NCS1: variants seen among roughly 807,000 people sequenced by gnomAD.
The protein encoded by NCS1 is frequenin homolog.
NCS1 carries 6 observed loss-of-function variants against 28.4 expected under a neutral mutation model. The ratio of observed to expected loss-of-function variants is 0.21; its 90% CI spans 0.12 to 0.42. NCS1 has a LOEUF of 0.42. Ranked by LOEUF, NCS1 falls within the 10% of genes least tolerant of loss-of-function variation. The probability of loss-of-function intolerance (pLI) is 1.00; values close to 1 mark genes in which losing one functional copy is unlikely to be tolerated. For missense variants in NCS1, 131 were observed against 241.4 expected (o/e 0.54, Z 3.03); for synonymous variants, 86 against 99.3 (o/e 0.87, Z 0.79).
intron 1 of NCS1, among the ~76,000 whole-genome samples, chr9:130,185,085 T>C (rs1467013974): frequency 6.6e-6 from 1 of 152,068 alleles, no homozygotes; most frequent in African/African-American, 2.4e-5. Flanking sequence ...TGGCCATGGA[T>C]GGGACCCATC....
In NCS1 at chr9:130,192,605, G is replaced by A. The variant is rs924232632; in HGVS notation, c.65-8353G>A. On this transcript the variant is annotated intron_variant, in intron 1 of 7. Coordinates refer to ENST00000372398, the MANE Select transcript of NCS1 (RefSeq NM_014286.4). The surrounding 1 kb of genome is among the most constrained non-coding windows in gnomAD (Gnocchi z 4.8). Reference sequence around the variant, plus strand: ...GTGCGTGGCCACGTTCACACATTGGGTCAGGAGCAAAGGTGGGCAGCCAGG... The same window carrying A: ...GTGCGTGGCCACGTTCACACATTGGATCAGGAGCAAAGGTGGGCAGCCAGG... Among the ~76,000 whole-genome samples the A allele has an allele frequency of 7.9e-5, 12 of 152,130 alleles. No homozygotes were observed. In the East Asian group the frequency reaches 2.1e-3, roughly 27 times the overall value.
chr9:130,231,997 A>C (rs1160303707), intron 7 of NCS1, among the ~76,000 whole-genome samples: 1 of 151,754 alleles, frequency 6.6e-6, no homozygotes, highest in Non-Finnish European at 1.5e-5. Context: ...CCCAGGCTGG[A>C]GTGCAGTGAT....
rs782175135 is a variant in NCS1, at chr9:130,226,577, C to T, written c.*17+73C>T. ...TGAAAACCCAGCAGCAGGACACCTA[C>T]GGTTGGCAGGTAATTACCTGGGTCT... On this transcript the variant is annotated intron_variant, in intron 7 of 7. Transcript: ENST00000372398. The surrounding 1 kb of genome is among the most constrained non-coding windows in gnomAD (Gnocchi z 4.8). 36 of 1,145,816 alleles carry T rather than the reference C, an allele frequency of 3.1e-5. No individual in the cohort carries two copies. Among genetic ancestry groups the T allele is most frequent in the East Asian group, 7.7e-5 (3 of 38,774 alleles). The allele number at this position is 1,145,816 out of a possible 1,614,324, so 71.0% of individuals were successfully genotyped here. A position where few individuals can be genotyped will look rare whatever the true frequency, so the allele number is the denominator to read the frequency against.
In NCS1 at chr9:130,235,866, A is replaced by G. The variant is rs1308086509; in HGVS notation, c.*2894A>G. The G allele has an allele frequency of 6.6e-6, 1 of 152,274 alleles. No individual in the cohort carries two copies. The allele number at this position is 152,274 out of a possible 1,614,324, so 9.4% of individuals were successfully genotyped here. Reference sequence around the variant, plus strand: ...ATGCTCTGATGCAGAGGGCACGCCCATAGTCCCTCTGCAGAGCCTCGCACT... The same window carrying G: ...ATGCTCTGATGCAGAGGGCACGCCCGTAGTCCCTCTGCAGAGCCTCGCACT... On this transcript the variant is annotated 3_prime_UTR_variant, in exon 8 of 8. Coordinates refer to ENST00000372398, the MANE Select transcript of NCS1 (RefSeq NM_014286.4).
chr9:130,227,242 C>T (rs1554911525), intron 7 of NCS1, among the ~76,000 whole-genome samples: 1 of 152,136 alleles, frequency 6.6e-6, no homozygotes, highest in Non-Finnish European at 1.5e-5. Flanking sequence ...GAGCTGTCTC[C>T]CTTCTTTCCT....
At chr9:130,189,877 AAAATATATAT>A (rs1187959113) in intron 1 of NCS1, among the ~76,000 whole-genome samples, 1 of 50,314 alleles carries the variant, frequency 2.0e-5, no homozygotes, top group African/African-American at 1.0e-4. Context: ...AAAAAAAAAA[AAAATATATAT>A]ATATATATAT....
chr9:130,219,884 G>A lies in NCS1; in HGVS notation c.307+81G>A, dbSNP rs1162611674. On this transcript the variant is annotated intron_variant, in intron 4 of 7. Coordinates refer to ENST00000372398, the MANE Select transcript of NCS1 (RefSeq NM_014286.4). The surrounding 1 kb of genome is among the most constrained non-coding windows in gnomAD (Gnocchi z 5.7). ...GGAGGCAGCCCTCGGCCCTCACCAG[G>A]CAGGGGTGCCAGACACCCACTGCAG... 1 of 1,447,972 alleles carries A rather than the reference G, an allele frequency of 6.9e-7. No individual in the cohort carries two copies. The highest frequency in any genetic ancestry group is 1.7e-5 in the Admixed American group (1 of 58,452). 89.7% of individuals were successfully genotyped at this position (1,447,972 alleles called of 1,614,324 possible).
At chr9:130,231,811 A>T (rs1833504762) in intron 7 of NCS1, among the ~76,000 whole-genome samples, 1 of 151,532 alleles carries the variant, frequency 6.6e-6, no homozygotes, top group African/African-American at 2.4e-5. Context: ...AGCATTTTGC[A>T]TTCCCACCAG....
chr9:130,199,070 C>T (rs928046578), intron 1 of NCS1, among the ~76,000 whole-genome samples: 1 of 150,320 alleles, frequency 6.7e-6, no homozygotes, highest in Non-Finnish European at 1.5e-5. Context: ...TGGCATCTCC[C>T]GCTGTTGCCT....
chr9:130,202,113 A>T (rs1554907521), intron 2 of NCS1, among the ~76,000 whole-genome samples: 1 of 152,176 alleles, frequency 6.6e-6, no homozygotes, highest in Non-Finnish European at 1.5e-5. Context: ...CACCCTCCCC[A>T]GACCTCAGGG....
chr9:130,203,116 G>A (rs1206188119), intron 2 of NCS1, among the ~76,000 whole-genome samples: 1 of 138,020 alleles, frequency 7.2e-6, no homozygotes, highest in African/African-American at 2.6e-5. Flanking sequence ...GTGTGTGCGT[G>A]TGTATGTATA....
At chr9:130,176,182 C>CTTTCTT (rs1554904622) in intron 1 of NCS1, among the ~76,000 whole-genome samples, 2 of 61,068 alleles carry the variant, frequency 3.3e-5, no homozygotes, top group Non-Finnish European at 5.1e-5. Context: ...TTCTTTCTTT[C>CTTTCTT]TTTCTTTCTT....
rs999577680 is a variant in NCS1, at chr9:130,192,186, G to A, written c.65-8772G>A. 2.2e-4 allele frequency among the ~76,000 whole-genome samples: 33 copies of A among 152,128 alleles called. No homozygotes were observed. Among genetic ancestry groups the A allele is most frequent in the African/African-American group, 8.0e-4 (33 of 41,432 alleles). The stretch of plus-strand genomic sequence containing the variant: ...TGGTCTCTCTTCTCACCCTGGCAGG[G>A]GCATCGAGTAATAAGTACAACAGCA... On this transcript the variant is annotated intron_variant, in intron 1 of 7. Coordinates refer to ENST00000372398, the MANE Select transcript of NCS1 (RefSeq NM_014286.4). This position sits in a 1 kb window ranked among gnomAD's most constrained non-coding sequence, Gnocchi z 4.8.
chr9:130,224,301 A>G (rs1431528556), intron 6 of NCS1, among the ~76,000 whole-genome samples: 3 of 150,792 alleles, frequency 2.0e-5, no homozygotes, highest in African/African-American at 7.3e-5. Context: ...CTAAAAAAAA[A>G]AAAAAAAAAA....
intron 4 of NCS1, among the ~76,000 whole-genome samples, chr9:130,220,227 A>C (rs538827033): frequency 6.6e-6 from 1 of 152,126 alleles, no homozygotes. Flanking sequence ...CACCTCTTTC[A>C]TAGCCATTGC....
At chr9:130,222,886 G>GGGAA in intron 5 of NCS1, 148 bp downstream of exon 5, 1 of 949,728 alleles carries the variant, frequency 1.1e-6, no homozygotes, top group South Asian at 1.4e-5. Flanking sequence ...ATCTCTGCCT[G>GGGAA]GGCAGGCAGG....
intron 1 of NCS1, chr9:130,193,858 T>C (rs1554906492): frequency 3.9e-5 from 6 of 152,368 alleles, no homozygotes; most frequent in African/African-American, 1.4e-4. Context: ...GGGGACTGTC[T>C]GATTTAGTAA....
rs371129436 is a variant in NCS1, at chr9:130,208,672, A to G, written c.89+7690A>G. On this transcript the variant is annotated intron_variant, in intron 2 of 7. Transcript: ENST00000372398. ...GCCGGAGGAATTCTGTCCTCGCATC[A>G]ACACGGCCAGCTGTTGATTCTGGGC... 1.1e-4 allele frequency among the ~76,000 whole-genome samples: 16 copies of G among 152,342 alleles called. No individual in the cohort carries two copies. In the East Asian group the frequency reaches 1.5e-3, roughly 15 times the overall value.
rs113567615 is a variant in NCS1, at chr9:130,177,408, C to T, written c.64+4681C>T. The stretch of plus-strand genomic sequence containing the variant: ...AAAGCTGGGGGTTGTGTGATGGCTG[C>T]GTGGGGACATGGAGGGCCCACAGCC... On this transcript the variant is annotated intron_variant, in intron 1 of 7. Coordinates refer to ENST00000372398, the MANE Select transcript of NCS1 (RefSeq NM_014286.4). This position sits in a 1 kb window ranked among gnomAD's most constrained non-coding sequence, Gnocchi z 4.4. Among the ~76,000 whole-genome samples the T allele has an allele frequency of 2.0e-5, 3 of 152,124 alleles. No individual in the cohort carries two copies. The highest frequency in any genetic ancestry group is 1.9e-4 in the East Asian group (1 of 5,188).
Sources: allele counts gnomAD v4.1 joint callset (sites outside exome capture counted in the v4.1 genomes callset), GRCh38; gene constraint gnomAD v4.1.1; non-coding constraint Gnocchi (gnomAD v3.1); transcripts MANE v1.5; gene names NCBI Gene and HGNC (gene_info 2026-07-23, HGNC 2026-07-21).